The following EHMT1 variants were observed in gnomAD, a reference collection of about 807,000 sequenced individuals.
EHMT1 encodes the protein euchromatic histone lysine methyltransferase 1.
In EHMT1, 15 loss-of-function variants were observed where a neutral mutation model predicts 147.2. The observed-to-expected ratio is 0.10, with a 90% CI of 0.07 to 0.16. The LOEUF is 0.16. Ranked by LOEUF, EHMT1 falls within the 10% of genes least tolerant of loss-of-function variation. The pLI is 1.00. For synonymous variants in EHMT1, 795 were observed against 709.6 expected (o/e 1.12, Z -1.91); for missense variants, 1,587 against 1,772.4 (o/e 0.90, Z 1.88).
At chr9:137,698,749 T>C (rs1226465378) in intron 1 of EHMT1, among the ~76,000 whole-genome samples, 1 of 152,216 alleles carries the variant, frequency 6.6e-6, no homozygotes, top group East Asian at 1.9e-4. Context: ...CCATTGGTTC[T>C]TTTTCCTATC....
chr9:137,681,327 G>T (rs1941919731), intron 1 of EHMT1, among the ~76,000 whole-genome samples: 3 of 152,280 alleles, frequency 2.0e-5, no homozygotes, highest in Admixed American at 2.0e-4. Flanking sequence ...CCTGAGAATT[G>T]TATTTAGCTC....
chr9:137,714,555 A>ATTTTTTTTTT (rs35445261), intron 2 of EHMT1, among the ~76,000 whole-genome samples: 1 of 84,218 alleles, frequency 1.2e-5, no homozygotes, highest in Non-Finnish European at 2.4e-5. Flanking sequence ...CAGTTTGCTC[A>ATTTTTTTTTT]TTTTTTTTTT....
chr9:137,826,234 G>C (rs891511589), intron 25 of EHMT1, among the ~76,000 whole-genome samples: 15 of 152,132 alleles, frequency 9.9e-5, no homozygotes, highest in African/African-American at 3.6e-4. Context: ...TCCAGCATCT[G>C]GCATCTCTGT....
chr9:137,625,895 G>C (rs1843221891), intron 1 of EHMT1, among the ~76,000 whole-genome samples: 1 of 149,894 alleles, frequency 6.7e-6, no homozygotes, highest in African/African-American at 2.5e-5. Context: ...TGCTCTTGTT[G>C]CCCAGGCTGG....
In EHMT1 at chr9:137,720,018, TCGAGGTGCCGAACCTCCTCCAC is replaced by T. The variant is rs1416872002; in HGVS notation, c.642+2837_642+2858del. ...GAACCCCCTCCACACCAGGACACAG[TCGAGGTGCCGAACCTCCTCCAC>T]ACCAGGGCACAGTCGAGGTGCCGAA... On this transcript the variant is annotated intron_variant, in intron 3 of 26. Coordinates refer to ENST00000460843, the MANE Select transcript of EHMT1 (RefSeq NM_024757.5). Among the ~76,000 whole-genome samples the T allele has an allele frequency of 8.1e-4, 39 of 48,006 alleles. 1 individual carries two copies. Among genetic ancestry groups the T allele is most frequent in the Admixed American group, 1.9e-3 (9 of 4,642 alleles). 31.5% of individuals were successfully genotyped at this position (48,006 alleles called of 152,430 possible).
chr9:137,634,486 T>A (rs1422562391), intron 1 of EHMT1, among the ~76,000 whole-genome samples: 2 of 152,204 alleles, frequency 1.3e-5, no homozygotes, highest in Non-Finnish European at 2.9e-5. Context: ...TCAGTTCTAT[T>A]CCGTTGATGT....
intron 1 of EHMT1, among the ~76,000 whole-genome samples, chr9:137,666,821 A>C (rs1284200887): frequency 2.0e-5 from 3 of 152,208 alleles, no homozygotes; most frequent in Non-Finnish European, 4.4e-5. Flanking sequence ...AAGCAATTCC[A>C]CAGAAAATAA....
chr9:137,661,755 C>T (rs1939108266), intron 1 of EHMT1, among the ~76,000 whole-genome samples: 1 of 151,998 alleles, frequency 6.6e-6, no homozygotes, highest in South Asian at 2.1e-4. Context: ...CAATTAAAGG[C>T]GTGAGCCACT....
chr9:137,745,540 C>G (rs1389214094), intron 6 of EHMT1: 2 of 398,642 alleles, frequency 5.0e-6, no homozygotes, highest in Non-Finnish European at 8.8e-6. Flanking sequence ...CTGAAACAGT[C>G]ACTACAGGAA....
intron 1 of EHMT1, chr9:137,637,458 AG>A (rs1844169408): frequency 6.6e-6 from 1 of 152,194 alleles, no homozygotes; most frequent in South Asian, 2.1e-4. Context: ...TACAGGTGTG[AG>A]CCACTGCACC....
intron 1 of EHMT1, among the ~76,000 whole-genome samples, chr9:137,642,563 G>T (rs182078029): frequency 6.6e-6 from 1 of 151,978 alleles, no homozygotes; most frequent in Non-Finnish European, 1.5e-5. Context: ...TGTTTTCTTG[G>T]TTGTCCTGGG....
chr9:137,672,231 ATACTT>A (rs1449327119), intron 1 of EHMT1, among the ~76,000 whole-genome samples: 3 of 152,254 alleles, frequency 2.0e-5, no homozygotes, highest in Non-Finnish European at 4.4e-5. Flanking sequence ...TTTTAAAAGA[ATACTT>A]CATTTTCATA....
intron 1 of EHMT1, among the ~76,000 whole-genome samples, chr9:137,686,539 A>G (rs1312950696): frequency 6.6e-6 from 1 of 151,090 alleles, no homozygotes; most frequent in East Asian, 2.0e-4. Flanking sequence ...ACAGGTGTGC[A>G]CCCCCATCCC....
chr9:137,758,061 T>C (rs764030215), intron 9 of EHMT1, 50 bp downstream of exon 9: 2 of 1,613,080 alleles, frequency 1.2e-6, no homozygotes, highest in Non-Finnish European at 1.7e-6. Flanking sequence ...GTCCTTTGTC[T>C]TCTGGGCTCC....
chr9:137,622,453 C>T (rs930865621), intron 1 of EHMT1, among the ~76,000 whole-genome samples: 2 of 152,130 alleles, frequency 1.3e-5, no homozygotes, highest in Non-Finnish European at 2.9e-5. Context: ...AAGAAGCAGC[C>T]CACTTGCATC....
At chr9:137,666,575 T>C (rs1253204369) in intron 1 of EHMT1, among the ~76,000 whole-genome samples, 1 of 152,238 alleles carries the variant, frequency 6.6e-6, no homozygotes, top group Non-Finnish European at 1.5e-5. Context: ...ACGGTGCAGC[T>C]GGCTCTTTGC....
intron 1 of EHMT1, among the ~76,000 whole-genome samples, chr9:137,691,493 A>G (rs1271549937): frequency 6.6e-6 from 1 of 151,984 alleles, no homozygotes. Flanking sequence ...GTTCTGTTGT[A>G]TGAATGGACT....
Position 137,775,396 on chromosome 9 carries a change from T to G in EHMT1, c.1791+144T>G, listed in dbSNP as rs1304837755. ...GGTGTCCGTCTGGAGGTCTCCAGTG[T>G]TCACAAGCCCCTCACCACCCCTGTC... On this transcript the variant is annotated intron_variant, in intron 11 of 26. Transcript: ENST00000460843. The surrounding 1 kb of genome is among the most constrained non-coding windows in gnomAD (Gnocchi z 6.1). 4.7e-5 allele frequency: 58 copies of G among 1,243,116 alleles called. No homozygotes were observed. Among genetic ancestry groups the G allele is most frequent in the Non-Finnish European group, 6.3e-5 (56 of 892,184 alleles). 77.0% of individuals were successfully genotyped at this position (1,243,116 alleles called of 1,614,324 possible).
chr9:137,659,548 T>C (rs1191633459), intron 1 of EHMT1, among the ~76,000 whole-genome samples: 3 of 151,800 alleles, frequency 2.0e-5, no homozygotes, highest in African/African-American at 7.3e-5. Flanking sequence ...CCTGGGTCCC[T>C]TTAAAAAATT....
Sources: gnomAD v4.1 joint callset for allele counts (sites outside exome capture counted in the v4.1 genomes callset) on GRCh38, gnomAD v4.1.1 for gene constraint, Gnocchi (gnomAD v3.1) non-coding constraint, MANE v1.5 for transcripts, NCBI Gene and HGNC (gene_info 2026-07-23, HGNC 2026-07-21) for gene names.